The following ARPP19 variants were observed in gnomAD, a reference collection of about 807,000 sequenced individuals.
ARPP19 encodes cAMP regulated phosphoprotein 19, also known as cAMP-regulated phosphoprotein 19.
In ARPP19, 8 loss-of-function variants were observed where a neutral mutation model predicts 12.0. The observed-to-expected ratio is 0.67, with a 90% confidence interval of 0.39 to 1.21. The LOEUF is 1.21. Among genes scored for constraint, ARPP19 ranks in the 50% most tolerant of loss-of-function variants. The pLI is 0.01. For missense variants in ARPP19, 102 were observed against 136.3 expected, an observed-to-expected ratio of 0.75 and a Z score of 1.25; for synonymous variants, 47 against 50.4, an observed-to-expected ratio of 0.93 and a Z score of 0.29.
upstream of ARPP19, chr15:52,569,054 G>T (rs537365019): frequency 5.9e-5 from 35 of 592,374 alleles, no homozygotes; most frequent in South Asian, 6.7e-4. Context: ...GAAACGCTCC[G>T]CTGGCCAAGG....
chr15:52,565,408 A>G (rs1157794691), intron 1 of ARPP19, among the ~76,000 whole-genome samples: 1 of 152,164 alleles, frequency 6.6e-6, no homozygotes, highest in Admixed American at 6.5e-5. Context: ...TGATAGATTC[A>G]TGAGATCTGT....
chr15:52,559,283 CA>C (rs2098878807), intron 1 of ARPP19, among the ~76,000 whole-genome samples: 1 of 152,078 alleles, frequency 6.6e-6, no homozygotes, highest in Non-Finnish European at 1.5e-5. Context: ...GGGTATGCTC[CA>C]GAGAGGTAAG....
At chr15:52,561,934 C>CTT (rs11340086) in intron 1 of ARPP19, among the ~76,000 whole-genome samples, 2,641 of 126,866 alleles carry the variant, frequency 0.021, 30 homozygotes, top group Non-Finnish European at 0.029. Context: ...AGTGCACCTA[C>CTT]TTTTTTTTTT....
rs1190566920 is a variant in ARPP19, at chr15:52,557,088, A to G, written c.168+12T>C. On this transcript the variant is annotated intron_variant, in intron 2 of 2. Transcript: ENST00000249822. ...GGGCTTAAGTATTTGGAAATTACCC[A>G]TGAGAACTTACCCCTTTCTGCAACC... 6.2e-7 allele frequency: 1 copy of G among 1,611,108 alleles called. No individual in the cohort carries two copies. The highest frequency in any genetic ancestry group is 1.1e-5 in the South Asian group (1 of 90,820).
In ARPP19 at chr15:52,568,834, C is replaced by T. The variant is rs370252236; in HGVS notation, c.45+14G>A. The T allele has an allele frequency of 1.3e-6, 2 of 1,567,210 alleles. No homozygotes were observed. Among genetic ancestry groups the T allele is most frequent in the Non-Finnish European group, 1.7e-6 (2 of 1,161,158 alleles). On this transcript the variant is annotated intron_variant, in intron 1 of 2. Transcript: ENST00000249822. The stretch of plus-strand genomic sequence containing the variant: ...CCTTGGGCAGGGCCCAGGGCTCACG[C>T]CCCGCGCGCTCACCTTCTGCTCCTC...
chr15:52,555,915 A>G (rs2077977518), intron 2 of ARPP19, among the ~76,000 whole-genome samples: 1 of 151,952 alleles, frequency 6.6e-6, no homozygotes, highest in Non-Finnish European at 1.5e-5. Flanking sequence ...GAGCACCTTA[A>G]GTGTTTTTCT....
chr15:52,558,784 T>TA lies in ARPP19; in HGVS notation c.46-1563dup, dbSNP rs201468639. On this transcript the variant is annotated intron_variant, in intron 1 of 2. Coordinates refer to ENST00000249822, the MANE Select transcript of ARPP19 (RefSeq NM_006628.6). ...TTCACTCAAAATTATATTCATACATTAAAAAAAAAAAAAAAAGATGAAGAT... is the reference window on the plus strand; with the variant it reads ...TTCACTCAAAATTATATTCATACATTAAAAAAAAAAAAAAAAAGATGAAGAT... Among the ~76,000 whole-genome samples the TA allele has an allele frequency of 8.9e-3, 1,201 of 135,046 alleles. 9 individuals are homozygous for TA. Among genetic ancestry groups the TA allele is most frequent in the African/African-American group, 0.023 (839 of 36,696 alleles). The allele number at this position is 135,046 out of a possible 152,430, so 88.6% of individuals were successfully genotyped here. A position where few individuals can be genotyped will look rare whatever the true frequency, so the allele number is the denominator to read the frequency against.
In ARPP19 at chr15:52,568,984, G is replaced by A; in HGVS notation, c.-92C>T. 10 of 923,914 alleles carry A rather than the reference G, an allele frequency of 1.1e-5. No homozygotes were observed. The South Asian group carries it at 1.3e-4, about 12-fold the overall frequency. The allele number at this position is 923,914 out of a possible 1,614,324, so 57.2% of individuals were successfully genotyped here. A position where few individuals can be genotyped will look rare whatever the true frequency, so the allele number is the denominator to read the frequency against. On this transcript the variant is annotated 5_prime_UTR_variant, in exon 1 of 3. Coordinates refer to ENST00000249822, the MANE Select transcript of ARPP19 (RefSeq NM_006628.6). ...CGCCGCCCGTCCCAGCTCTCCCAGG[G>A]CCCGCCGGGCCGCCTCCGCCCGCGA...
intron 1 of ARPP19, among the ~76,000 whole-genome samples, chr15:52,563,110 G>A (rs890118100): frequency 4.6e-5 from 7 of 151,960 alleles, no homozygotes; most frequent in South Asian, 2.1e-4. Context: ...TCCTGACCTC[G>A]TGATCCATCT....
chr15:52,556,108 T>G (rs2077979063), intron 2 of ARPP19, among the ~76,000 whole-genome samples: 1 of 152,102 alleles, frequency 6.6e-6, no homozygotes, highest in Admixed American at 6.5e-5. Context: ...TGAATATTAT[T>G]CTTTCATGTA....
Position 52,568,945 on chromosome 15 carries a change from CGAG to C in ARPP19, c.-56_-54del. 7.9e-7 allele frequency: 1 copy of C among 1,273,018 alleles called. No homozygotes were observed. Among genetic ancestry groups the C allele is most frequent in the Non-Finnish European group, 1.1e-6 (1 of 911,136 alleles). 78.9% of individuals were successfully genotyped at this position (1,273,018 alleles called of 1,614,324 possible). On this transcript the variant is annotated 5_prime_UTR_variant, in exon 1 of 3. Transcript: ENST00000249822. ...GGAAAAGATGCAATTAGCGGGTGGC[CGAG>C]GCCACCCGGCCGCCGCCCGTCCCAG...
intron 1 of ARPP19, among the ~76,000 whole-genome samples, chr15:52,563,060 C>A (rs1216467812): frequency 1.3e-5 from 2 of 151,734 alleles, no homozygotes; most frequent in African/African-American, 4.8e-5. Context: ...ATTTTTAGTA[C>A]AGACAGGGTT....
At chr15:52,554,697 T>C (rs1420605075) in intron 2 of ARPP19, among the ~76,000 whole-genome samples, 2 of 152,144 alleles carry the variant, frequency 1.3e-5, no homozygotes, top group South Asian at 2.1e-4. Flanking sequence ...TTCTTACAAC[T>C]GGATTCTCTG....
At chr15:52,569,317 C>T (rs1481723159), upstream of ARPP19, 2 of 233,226 alleles carry the variant, frequency 8.6e-6, no homozygotes, top group Non-Finnish European at 1.7e-5. Flanking sequence ...ACTCTTTCCA[C>T]TTACCCATCC....
rs937821127 is a variant in ARPP19, at chr15:52,549,122, T to C, written c.*2812A>G. 1 of 152,254 alleles carries C rather than the reference T, an allele frequency of 6.6e-6. No individual in the cohort carries two copies. The highest frequency in any genetic ancestry group is 3.2e-3 in the Middle Eastern group (1 of 316). The allele number at this position is 152,254 out of a possible 1,614,324, so 9.4% of individuals were successfully genotyped here. On this transcript the variant is annotated 3_prime_UTR_variant, in exon 3 of 3. Coordinates refer to ENST00000249822, the MANE Select transcript of ARPP19 (RefSeq NM_006628.6). Reference sequence around the variant, plus strand: ...CTGTTCTATCAAATGTAGTAGCTATTGGACATAAAACAAGTAATTTATTTC... The same window carrying C: ...CTGTTCTATCAAATGTAGTAGCTATCGGACATAAAACAAGTAATTTATTTC...
In ARPP19 at chr15:52,549,052, G is replaced by A. The variant is rs1406700096; in HGVS notation, c.*2882C>T. Reference sequence around the variant, plus strand: ...AATCCTTACTATTCCAACTTGCTGAGAACCATGTCAGATGCTGCGTTCAAG... The same window carrying A: ...AATCCTTACTATTCCAACTTGCTGAAAACCATGTCAGATGCTGCGTTCAAG... On this transcript the variant is annotated 3_prime_UTR_variant, in exon 3 of 3. Transcript: ENST00000249822. The A allele has an allele frequency of 6.6e-6, 1 of 152,314 alleles. No homozygotes were observed. The highest frequency in any genetic ancestry group is 1.5e-5 in the Non-Finnish European group (1 of 68,036). 9.4% of individuals were successfully genotyped at this position (152,314 alleles called of 1,614,324 possible).
intron 1 of ARPP19, among the ~76,000 whole-genome samples, chr15:52,561,934 CTTTT>C (rs11340086): frequency 2.7e-3 from 341 of 126,968 alleles, no homozygotes; most frequent in Non-Finnish European, 3.7e-3. Flanking sequence ...AGTGCACCTA[CTTTT>C]TTTTTTTTTT....
In ARPP19 at chr15:52,568,752, C is replaced by G. The variant is rs992940345; in HGVS notation, c.45+96G>C. Reference sequence around the variant, plus strand: ...GAGCCTCGGCCTCATGCGCCTCGGCCCCGCATCTCGGGCGCGGCCCTCCGC... The same window carrying G: ...GAGCCTCGGCCTCATGCGCCTCGGCGCCGCATCTCGGGCGCGGCCCTCCGC... On this transcript the variant is annotated intron_variant, in intron 1 of 2. Coordinates refer to ENST00000249822, the MANE Select transcript of ARPP19 (RefSeq NM_006628.6). 7.2e-6 allele frequency: 6 copies of G among 827,908 alleles called. No homozygotes were observed. In the East Asian group the frequency reaches 1.3e-4, roughly 18 times the overall value. The allele number at this position is 827,908 out of a possible 1,614,324, so 51.3% of individuals were successfully genotyped here.
chr15:52,568,848 C>A lies in ARPP19; in HGVS notation c.45G>T (p.Lys15Asn), dbSNP rs62023345. ...VPEAASAEEQKEMEDKVTSPE... is the reference protein window; with the variant it reads ...VPEAASAEEQNEMEDKVTSPE... The stretch of plus-strand genomic sequence containing the variant: ...CAGGGCTCACGCCCCGCGCGCTCAC[C>A]TTCTGCTCCTCCGCGGAGGCTGCCT... Residue 15 changes from lysine (K) to asparagine (N), a missense_variant and splice_region_variant, in exon 1 of 3, where the codon AAG (lysine) becomes AAT (asparagine). Lys to Asn is a moderately conservative substitution (Grantham distance 94). Transcript: ENST00000249822. 3 of 1,573,072 alleles carry A rather than the reference C, an allele frequency of 1.9e-6. No individual in the cohort carries two copies. The highest frequency in any genetic ancestry group is 1.4e-5 in the African/African-American group (1 of 70,460).
Sources: gnomAD v4.1 joint callset for allele counts (sites outside exome capture counted in the v4.1 genomes callset) on GRCh38, gnomAD v4.1.1 for gene constraint, MANE v1.5 for transcripts, NCBI Gene and HGNC (gene_info 2026-07-23, HGNC 2026-07-21) for gene names.